The following CIC variants were observed in gnomAD, a reference collection of about 807,000 sequenced individuals.
The protein encoded by CIC is capicua transcriptional repressor.
In CIC, 18 loss-of-function variants were observed where a neutral mutation model predicts 115.7. The ratio of observed to expected loss-of-function variants is 0.16; its 90% CI spans 0.11 to 0.23. CIC has a LOEUF of 0.23. Ranked by LOEUF, CIC falls within the 10% of genes least tolerant of loss-of-function variation. CIC has a pLI of 1.00. For synonymous variants in CIC, 1,076 were observed against 923.0 expected (o/e 1.17, Z -3.01); for missense variants, 2,000 against 2,159.3 (o/e 0.93, Z 1.46).
Position 42,295,462 on chromosome 19 carries a change from C to T in CIC, c.*271C>T, listed in dbSNP as rs371648730. On this transcript the variant is annotated 3_prime_UTR_variant, in exon 21 of 21. Transcript: ENST00000681038. ...GACCTTCAGAGCTTTTCACTTTATGCAAAATGGCTCCTGTGAGGGCTGCAA... is the reference window on the plus strand; with the variant it reads ...GACCTTCAGAGCTTTTCACTTTATGTAAAATGGCTCCTGTGAGGGCTGCAA... 1.5e-4 allele frequency: 65 copies of T among 426,094 alleles called. No individual in the cohort carries two copies. The highest frequency in any genetic ancestry group is 3.8e-4 in the South Asian group (11 of 29,170). The allele number at this position is 426,094 out of a possible 1,614,324, so 26.4% of individuals were successfully genotyped here.
At chr19:42,271,001 C>T (rs1161924363) in intron 1 of CIC, among the ~76,000 whole-genome samples, 2 of 148,472 alleles carry the variant, frequency 1.3e-5, no homozygotes, top group Non-Finnish European at 3.0e-5. Flanking sequence ...AGTGGGCAGC[C>T]GTCCCTCGGG....
At position 42,287,548 on chromosome 19, in the gene CIC, GAGA is replaced by G; in HGVS notation, c.3316_3318del (p.Lys1106del). 1.2e-6 allele frequency: 2 copies of G among 1,613,304 alleles called. No homozygotes were observed. The highest frequency in any genetic ancestry group is 1.7e-6 in the Non-Finnish European group (2 of 1,180,032). ...CTCTGGGCTGTGTTTAATGCAGCGG[GAGA>G]AGGACCACATCCGGCGGCCCATGAA... On this transcript the variant is annotated inframe_deletion, in exon 6 of 21. Coordinates refer to ENST00000681038, the MANE Select transcript of CIC (RefSeq NM_001386298.1). The surrounding 1 kb of genome is among the most constrained non-coding windows in gnomAD (Gnocchi z 8.7).
chr19:42,295,283 C>A lies in CIC; in HGVS notation c.*92C>A. The A allele has an allele frequency of 8.7e-7, 1 of 1,153,452 alleles. No individual in the cohort carries two copies. Among genetic ancestry groups the A allele is most frequent in the Non-Finnish European group, 1.2e-6 (1 of 811,678 alleles). 71.5% of individuals were successfully genotyped at this position (1,153,452 alleles called of 1,614,324 possible). A position where few individuals can be genotyped will look rare whatever the true frequency, so the allele number is the denominator to read the frequency against. On this transcript the variant is annotated 3_prime_UTR_variant, in exon 21 of 21. Coordinates refer to ENST00000681038, the MANE Select transcript of CIC (RefSeq NM_001386298.1). ...GAAGGTTATCTCCTCCCGGGTAAAG[C>A]CATTTCGTCCTCTCCAGTTTGGGGC...
chr19:42,283,780 C>T (rs2037382815), intron 2 of CIC, among the ~76,000 whole-genome samples: 1 of 152,050 alleles, frequency 6.6e-6, no homozygotes, highest in Non-Finnish European at 1.5e-5. Context: ...GGCTCGGTGC[C>T]TTTACTGCAG....
At chr19:42,282,642 G>A (rs1397601874) in intron 2 of CIC, among the ~76,000 whole-genome samples, 2 of 152,334 alleles carry the variant, frequency 1.3e-5, no homozygotes, top group African/African-American at 4.8e-5. Context: ...GTTAAGCCTT[G>A]AGTAATGGAA....
In CIC at chr19:42,294,725, C is replaced by T. The variant is rs745555251; in HGVS notation, c.7176C>T (p.Phe2392=). 1.9e-6 allele frequency: 3 copies of T among 1,613,330 alleles called. No homozygotes were observed. In the East Asian group the frequency reaches 6.7e-5, roughly 36 times the overall value. Residue 2392 remains phenylalanine, a synonymous_variant, in exon 20 of 21, where the codon TTC becomes TTT. Transcript: ENST00000681038. The part of the protein sequence containing the change: ...LVMQLFQDHG[F]FPSAQATAAF... ...TGCAGCTCTTTCAGGACCATGGCTT[C>T]TTCCCGTCAGGTGAGCCTGTCTCGG...
At position 42,274,432 on chromosome 19, in the gene CIC, G is replaced by A; in HGVS notation, c.2649G>A (p.Met883Ile). The A allele has an allele frequency of 2.5e-6, 1 of 399,034 alleles. No individual in the cohort carries two copies. Among genetic ancestry groups the A allele is most frequent in the African/African-American group, 2.1e-5 (1 of 48,778 alleles). 24.7% of individuals were successfully genotyped at this position (399,034 alleles called of 1,614,324 possible). A position where few individuals can be genotyped will look rare whatever the true frequency, so the allele number is the denominator to read the frequency against. The change falls in exon 2 of 21, where the codon ATG (methionine) becomes ATA (isoleucine). Residue 883 changes from methionine to isoleucine, a missense_variant. Transcript: ENST00000681038. ...PAAPTAVAQP[M>I]PAFGLASSPF... ...CACCAACTGCCGTGGCCCAGCCGATGCCCGCCTTTGGCCTGGCTTCTTCAC... is the reference window on the plus strand; with the variant it reads ...CACCAACTGCCGTGGCCCAGCCGATACCCGCCTTTGGCCTGGCTTCTTCAC...
rs1266244197 is a variant in CIC, at chr19:42,270,234, G to T, written c.-11+853G>T. Among the ~76,000 whole-genome samples, 1 of 152,210 alleles carries T rather than the reference G, an allele frequency of 6.6e-6. No homozygotes were observed. The highest frequency in any genetic ancestry group is 1.5e-5 in the Non-Finnish European group (1 of 68,040). ...CTGGGCATTTGGGTGCCAGCCCCGG[G>T]ACGCCCTCCAGGCTCTGCCTGTGAG... On this transcript the variant is annotated intron_variant, in intron 1 of 20. Coordinates refer to ENST00000681038, the MANE Select transcript of CIC (RefSeq NM_001386298.1). The surrounding 1 kb of genome is among the most constrained non-coding windows in gnomAD (Gnocchi z 4.1).
chr19:42,288,381 C>A (rs1049736171), intron 7 of CIC, among the ~76,000 whole-genome samples: 16 of 152,132 alleles, frequency 1.1e-4, no homozygotes, highest in African/African-American at 3.4e-4. Flanking sequence ...GCCCCCAGCA[C>A]CATAGTTGGG....
At chr19:42,282,539 C>G (rs923010974) in intron 2 of CIC, among the ~76,000 whole-genome samples, 3 of 152,344 alleles carry the variant, frequency 2.0e-5, no homozygotes, top group East Asian at 3.9e-4. Context: ...TGTGAGCCCC[C>G]CTCGCCTTTC....
intron 2 of CIC, among the ~76,000 whole-genome samples, chr19:42,285,492 C>T (rs1428113966): frequency 2.6e-5 from 4 of 152,274 alleles, no homozygotes; most frequent in Middle Eastern, 3.4e-3. Flanking sequence ...TCCCTTGTTT[C>T]CTGAGGTCTA....
Position 42,295,776 on chromosome 19 carries a change from A to C in CIC, c.*585A>C, listed in dbSNP as rs1378035087. The C allele has an allele frequency of 4.8e-6, 1 of 208,710 alleles. No homozygotes were observed. The highest frequency in any genetic ancestry group is 2.3e-5 in the African/African-American group (1 of 43,850). 12.9% of individuals were successfully genotyped at this position (208,710 alleles called of 1,614,324 possible). ...CTGTGCCGAGAAGCCGCAATGAGCGAGATTAAAGCTGTTTAACACACCTGT... is the reference window on the plus strand; with the variant it reads ...CTGTGCCGAGAAGCCGCAATGAGCGCGATTAAAGCTGTTTAACACACCTGT... On this transcript the variant is annotated 3_prime_UTR_variant, in exon 21 of 21. Coordinates refer to ENST00000681038, the MANE Select transcript of CIC (RefSeq NM_001386298.1).
intron 16 of CIC, 82 bp from the exon 17 acceptor site, chr19:42,293,510 T>C: frequency 6.2e-7 from 1 of 1,605,998 alleles, no homozygotes; most frequent in Admixed American, 1.7e-5. Flanking sequence ...CTGGGCGGGC[T>C]CAGATCCAAC....
Position 42,293,812 on chromosome 19 carries a change from A to G in CIC, c.6743A>G (p.Lys2248Arg), listed in dbSNP as rs1270555541. 3 of 1,612,516 alleles carry G rather than the reference A, an allele frequency of 1.9e-6. No homozygotes were observed. Among genetic ancestry groups the G allele is most frequent in the African/African-American group, 2.7e-5 (2 of 75,058 alleles). Residue 2248 changes from lysine (K) to arginine (R), a missense_variant, in exon 17 of 21, where the codon AAG becomes AGG. Lys to Arg is a conservative substitution (Grantham distance 26). Coordinates refer to ENST00000681038, the MANE Select transcript of CIC (RefSeq NM_001386298.1). Reference sequence around the variant, plus strand: ...GTGAAGGTGCGGCCCCCGCCCCTGAAGAAGACCTTTGACTCTGTGGACAAG... The same window carrying G: ...GTGAAGGTGCGGCCCCCGCCCCTGAGGAAGACCTTTGACTCTGTGGACAAG... Reference protein sequence around the residue: ...KKVKVRPPPLKKTFDSVDNRV... With the variant: ...KKVKVRPPPLRKTFDSVDNRV...
At position 42,294,704 on chromosome 19, in the gene CIC, G is replaced by T. The variant is rs1309924252; in HGVS notation, c.7155G>T (p.Gln2385His). The change falls in exon 20 of 21, where the codon CAG becomes CAT. Residue 2385 changes from glutamine (Q) to histidine (H), a missense_variant. Around this residue, in one of 8 missense-constraint regions of CIC, gnomAD observed 99 missense variants for 217.6 expected, o/e 0.45. Transcript: ENST00000681038. ...TLDQRRALVM[Q>H]LFQDHGFFPS... is the part of the protein sequence containing the mutation. ...ACCAGCGCCGGGCCCTGGTCATGCA[G>T]CTCTTTCAGGACCATGGCTTCTTCC... 6.2e-7 allele frequency: 1 copy of T among 1,613,682 alleles called. No homozygotes were observed. Among genetic ancestry groups the T allele is most frequent in the Non-Finnish European group, 8.5e-7 (1 of 1,180,022 alleles).
rs1187729112 is a variant in CIC, at chr19:42,286,920, G to C, written c.2944G>C (p.Glu982Gln). The C allele has an allele frequency of 6.2e-7, 1 of 1,610,396 alleles. No individual in the cohort carries two copies. Among genetic ancestry groups the C allele is most frequent in the African/African-American group, 1.3e-5 (1 of 74,900 alleles). Residue 982 changes from glutamate to glutamine, a missense_variant and splice_region_variant, in exon 3 of 21, where the codon GAA (glutamate) becomes CAA (glutamine). By Grantham distance (29) the Glu-to-Gln change is conservative. Around this residue, in one of 8 missense-constraint regions of CIC, gnomAD observed 222 missense variants for 247.7 expected, o/e 0.90. Coordinates refer to ENST00000681038, the MANE Select transcript of CIC (RefSeq NM_001386298.1). ...SHPVASNQSK[E>Q]PAESAAVAHE... ...CCCAGTGGCCTCCAACCAGAGCAAAGGTGAGGGCTGGTGGGGACTGGGGGG... is the reference window on the plus strand; with the variant it reads ...CCCAGTGGCCTCCAACCAGAGCAAACGTGAGGGCTGGTGGGGACTGGGGGG...
At position 42,287,194 on chromosome 19, in the gene CIC, G is replaced by A. The variant is rs1188851652; in HGVS notation, c.3133G>A (p.Gly1045Arg). 1 of 1,613,596 alleles carries A rather than the reference G, an allele frequency of 6.2e-7. No individual in the cohort carries two copies. Among genetic ancestry groups the A allele is most frequent in the African/African-American group, 1.3e-5 (1 of 75,030 alleles). The change falls in exon 4 of 21, where the codon GGA (glycine) becomes AGA (arginine). Residue 1045 changes from glycine to arginine, a missense_variant. Gly to Arg is a moderately radical substitution (Grantham distance 125, BLOSUM62 -2). Around this residue, in one of 8 missense-constraint regions of CIC, gnomAD observed 222 missense variants for 247.7 expected, o/e 0.90. Transcript: ENST00000681038. The surrounding 1 kb of genome is among the most constrained non-coding windows in gnomAD (Gnocchi z 8.7). ...TTEEEASGPP[G>R]EPRLDSETES... is the part of the protein sequence containing the mutation. ...GGAGGAGGAGGCCTCCGGCCCCCCA[G>A]GAGAGCCCCGGCTGGACAGTGAGAC...
intron 12 of CIC, 117 bp downstream of exon 12, chr19:42,291,862 T>C: frequency 2.9e-6 from 4 of 1,386,448 alleles, no homozygotes; most frequent in Non-Finnish European, 3.1e-6. Context: ...TGTCTTGCCA[T>C]CTTCCGTGAT....
chr19:42,282,754 T>C (rs922953965), intron 2 of CIC, among the ~76,000 whole-genome samples: 9 of 152,062 alleles, frequency 5.9e-5, no homozygotes, highest in African/African-American at 2.2e-4. Context: ...GAACAATGGG[T>C]GTAATAAAGC....
Sources: allele counts gnomAD v4.1 joint callset (sites outside exome capture counted in the v4.1 genomes callset), GRCh38; gene constraint gnomAD v4.1.1; regional missense constraint gnomAD v4.1.1; non-coding constraint Gnocchi (gnomAD v3.1); transcripts MANE v1.5; gene names NCBI Gene and HGNC (gene_info 2026-07-23, HGNC 2026-07-21).